HIBADH: variants seen among roughly 807,000 people sequenced by gnomAD.
HIBADH encodes the protein 3-hydroxyisobutyrate dehydrogenase, mitochondrial.
A neutral mutation model predicts 36.1 loss-of-function variants in HIBADH; 25 were observed. That is an observed-to-expected ratio of 0.69 (90% CI 0.50 to 0.97). The LOEUF is 0.97. Among genes scored for constraint, HIBADH ranks in the 50% least tolerant of loss-of-function variants. HIBADH has a pLI of 0.00. For missense variants in HIBADH, 421 were observed against 418.0 expected (o/e 1.01, Z -0.06); for synonymous variants, 160 against 149.5 (o/e 1.07, Z -0.51).
intron 2 of HIBADH, among the ~76,000 whole-genome samples, chr7:27,637,505 A>G (rs1324611343): frequency 6.6e-6 from 1 of 152,244 alleles, no homozygotes. Flanking sequence ...CTGAATGGGC[A>G]AAAGGTAGAA....
chr7:27,617,397 T>C (rs1411212886), intron 4 of HIBADH, among the ~76,000 whole-genome samples: 1 of 152,220 alleles, frequency 6.6e-6, no homozygotes, highest in Non-Finnish European at 1.5e-5. Flanking sequence ...GACACAACAC[T>C]GCATTTGATC....
At chr7:27,547,075 C>T (rs1373726724) in intron 4 of HIBADH, among the ~76,000 whole-genome samples, 1 of 152,172 alleles carries the variant, frequency 6.6e-6, no homozygotes, top group Non-Finnish European at 1.5e-5. Flanking sequence ...CCAAGTCCTA[C>T]AAAGCCCTAC....
At chr7:27,547,540 G>C (rs531497814) in intron 4 of HIBADH, among the ~76,000 whole-genome samples, 1 of 152,296 alleles carries the variant, frequency 6.6e-6, no homozygotes, top group African/African-American at 2.4e-5. Flanking sequence ...CAGGAGGCAA[G>C]AGAGAAGGAA....
chr7:27,639,954 C>T (rs564534698), intron 2 of HIBADH, among the ~76,000 whole-genome samples: 7 of 152,088 alleles, frequency 4.6e-5, no homozygotes, highest in African/African-American at 1.2e-4. Flanking sequence ...CTGAGAAATG[C>T]GTTGTGAGAA....
At chr7:27,544,332 A>C (rs1440187746) in intron 4 of HIBADH, among the ~76,000 whole-genome samples, 2 of 152,246 alleles carry the variant, frequency 1.3e-5, no homozygotes, top group Non-Finnish European at 2.9e-5. Context: ...AAGCCAAAAA[A>C]GTCAGCATTA....
chr7:27,541,688 C>G, intron 5 of HIBADH: 1 of 398,474 alleles, frequency 2.5e-6, no homozygotes, highest in Non-Finnish European at 4.9e-6. Context: ...TTCTTAGGAG[C>G]ACTTCCAGCA....
chr7:27,590,461 C>T (rs1300964664), intron 4 of HIBADH, among the ~76,000 whole-genome samples: 2 of 152,122 alleles, frequency 1.3e-5, no homozygotes, highest in Admixed American at 1.3e-4. Context: ...GAGTAGGCCC[C>T]AAATTTCCAA....
chr7:27,599,905 A>G (rs1337676550), intron 4 of HIBADH, among the ~76,000 whole-genome samples: 1 of 152,220 alleles, frequency 6.6e-6, no homozygotes, highest in East Asian at 1.9e-4. Flanking sequence ...AAATTCAGAC[A>G]TAAGTAAAAG....
At position 27,526,310 on chromosome 7, in the gene HIBADH, C is replaced by G; in HGVS notation, c.915G>C (p.Leu305=). Residue 305 remains leucine (L), a synonymous_variant, in exon 8 of 8, where the codon CTG becomes CTC. Transcript: ENST00000265395. ...ACATCATCCTGTAGATCTGATGGGC[C>G]AGACTGCCAAGAAGGATTGGGCTCT... The part of the protein sequence containing the change: ...STKSPILLGS[L]AHQIYRMMCA... The G allele has an allele frequency of 6.2e-7, 1 of 1,613,598 alleles. No homozygotes were observed. The highest frequency in any genetic ancestry group is 8.5e-7 in the Non-Finnish European group (1 of 1,179,810).
chr7:27,650,728 A>T (rs991862030), intron 1 of HIBADH, among the ~76,000 whole-genome samples: 2 of 148,418 alleles, frequency 1.3e-5, no homozygotes, highest in African/African-American at 4.9e-5. Flanking sequence ...AAAAAAAAAA[A>T]AAGCCTTAAA....
At chr7:27,547,193 G>A (rs986059513) in intron 4 of HIBADH, among the ~76,000 whole-genome samples, 1 of 152,144 alleles carries the variant, frequency 6.6e-6, no homozygotes, top group Non-Finnish European at 1.5e-5. Context: ...AACAGGTGAA[G>A]TATGTTCCCA....
intron 4 of HIBADH, among the ~76,000 whole-genome samples, chr7:27,568,959 T>A (rs1204795640): frequency 2.7e-5 from 4 of 148,744 alleles, no homozygotes; most frequent in African/African-American, 1.0e-4. Context: ...TGTATGAAAC[T>A]CCACTGGCAC....
At chr7:27,552,394 TAAAC>T (rs1317367243) in intron 4 of HIBADH, among the ~76,000 whole-genome samples, 21 of 152,236 alleles carry the variant, frequency 1.4e-4, no homozygotes, top group Non-Finnish European at 2.2e-4. Flanking sequence ...TGGAGTCAGA[TAAAC>T]AAAGTTTAGT....
intron 5 of HIBADH, chr7:27,541,623 A>G (rs1466171510): frequency 3.1e-6 from 1 of 322,624 alleles, no homozygotes; most frequent in Non-Finnish European, 5.9e-6. Context: ...ACCTCAATCC[A>G]TGGTATGTAT....
intron 2 of HIBADH, among the ~76,000 whole-genome samples, chr7:27,640,719 C>T (rs1785944734): frequency 6.6e-6 from 1 of 152,156 alleles, no homozygotes; most frequent in Non-Finnish European, 1.5e-5. Flanking sequence ...GTTGCACGAA[C>T]ATCAGAGAGA....
At chr7:27,632,871 G>A (rs1473861547) in intron 2 of HIBADH, among the ~76,000 whole-genome samples, 2 of 151,988 alleles carry the variant, frequency 1.3e-5, no homozygotes, top group Non-Finnish European at 1.5e-5. Context: ...TTGGTGGGCA[G>A]CAAAATCCCC....
chr7:27,650,712 T>TAA (rs59073946), intron 1 of HIBADH, among the ~76,000 whole-genome samples: 11 of 126,272 alleles, frequency 8.7e-5, no homozygotes, highest in African/African-American at 2.6e-4. Flanking sequence ...AGGCTGCCAT[T>TAA]AAAAAAAAAA....
Position 27,607,365 on chromosome 7 carries a change from C to T in HIBADH, c.484+22006G>A, listed in dbSNP as rs537595664. ...TCTAGTAAAAATATAAAAAATTAGC[C>T]GGGCATGGTAGCTCATGCCTATAAT... On this transcript the variant is annotated intron_variant, in intron 4 of 7. Transcript: ENST00000265395. Among the ~76,000 whole-genome samples, 24 of 152,072 alleles carry T rather than the reference C, an allele frequency of 1.6e-4. 1 individual carries two copies. The South Asian group carries it at 4.4e-3, about 28-fold the overall frequency.
At chr7:27,536,783 A>G (rs1342139833) in intron 6 of HIBADH, among the ~76,000 whole-genome samples, 1 of 152,174 alleles carries the variant, frequency 6.6e-6, no homozygotes. Context: ...ATGCATCACT[A>G]TGACTAAGGA....
Sources: gnomAD v4.1 joint callset for allele counts (sites outside exome capture counted in the v4.1 genomes callset) on GRCh38, gnomAD v4.1.1 for gene constraint, MANE v1.5 for transcripts, NCBI Gene and HGNC (gene_info 2026-07-23, HGNC 2026-07-21) for gene names.